ADAM12: variants seen among roughly 807,000 people sequenced by gnomAD.
ADAM12 encodes the protein ADAM metallopeptidase domain 12, also known as disintegrin and metalloproteinase domain-containing protein 12.
A neutral mutation model predicts 106.4 loss-of-function variants in ADAM12; 70 were observed. That is an observed-to-expected ratio of 0.66 (90% CI 0.54 to 0.80). The LOEUF (loss-of-function observed/expected upper bound fraction) is 0.80. ADAM12 is among the 30% of genes least tolerant of loss of function. The pLI, the probability that ADAM12 is intolerant of heterozygous loss-of-function variation, is 0.00. For synonymous variants in ADAM12, 420 were observed against 433.5 expected (o/e 0.97, Z 0.39); for missense variants, 1,010 against 1,171.9 (o/e 0.86, Z 2.02).
At chr10:126,112,148 A>G (rs2133605051) in intron 6 of ADAM12, among the ~76,000 whole-genome samples, 1 of 152,218 alleles carries the variant, frequency 6.6e-6, no homozygotes, top group Admixed American at 6.5e-5. Context: ...ATATAGGAAC[A>G]GAGAACCAAG....
intron 2 of ADAM12, among the ~76,000 whole-genome samples, chr10:126,285,324 T>C (rs1379534298): frequency 6.6e-6 from 1 of 152,214 alleles, no homozygotes; most frequent in Non-Finnish European, 1.5e-5. Flanking sequence ...GAAAATATCT[T>C]TTTAAGTTTG....
intron 1 of ADAM12, among the ~76,000 whole-genome samples, chr10:126,373,278 G>A (rs765871953): frequency 3.9e-5 from 6 of 152,212 alleles, no homozygotes; most frequent in Non-Finnish European, 8.8e-5. Flanking sequence ...GCTTCTGGGA[G>A]TGGATGTTGG....
intron 4 of ADAM12, among the ~76,000 whole-genome samples, chr10:126,152,730 A>G (rs1956750555): frequency 1.3e-5 from 2 of 152,158 alleles, no homozygotes; most frequent in South Asian, 4.1e-4. Context: ...TCATTTTTAC[A>G]AAGAGATTCC....
At chr10:126,286,463 A>G (rs913714775) in intron 2 of ADAM12, among the ~76,000 whole-genome samples, 3 of 152,174 alleles carry the variant, frequency 2.0e-5, no homozygotes, top group African/African-American at 7.2e-5. Flanking sequence ...AAGAACAACA[A>G]AATTAAAATA....
At chr10:126,363,338 A>G (rs1424239066) in intron 1 of ADAM12, among the ~76,000 whole-genome samples, 1 of 152,214 alleles carries the variant, frequency 6.6e-6, no homozygotes, top group African/African-American at 2.4e-5. Flanking sequence ...TAAAGCCCCA[A>G]TGTGACAGAT....
intron 19 of ADAM12, among the ~76,000 whole-genome samples, chr10:126,038,785 A>G (rs1232590351): frequency 6.6e-6 from 1 of 152,106 alleles, no homozygotes; most frequent in Non-Finnish European, 1.5e-5. Flanking sequence ...TAAGCAGCAC[A>G]TTGTTGTTTG....
chr10:126,281,264 CAT>C (rs140925003), intron 2 of ADAM12, among the ~76,000 whole-genome samples: 3,191 of 152,252 alleles, frequency 0.021, 105 homozygotes, highest in African/African-American at 0.07. Flanking sequence ...TGTATAACTA[CAT>C]GTTTCATATG....
intron 3 of ADAM12, among the ~76,000 whole-genome samples, chr10:126,173,786 C>T (rs1309352386): frequency 6.6e-6 from 1 of 152,032 alleles, no homozygotes; most frequent in African/African-American, 2.4e-5. Context: ...GCCCCAACTC[C>T]AGAGAATTTC....
At chr10:126,219,999 T>C (rs1958060029) in intron 3 of ADAM12, among the ~76,000 whole-genome samples, 1 of 152,122 alleles carries the variant, frequency 6.6e-6, no homozygotes, top group Non-Finnish European at 1.5e-5. Flanking sequence ...GATTTTGCAG[T>C]GGTCATAAAG....
At position 126,276,693 on chromosome 10, in the gene ADAM12, T is replaced by C. The variant is rs144224675; in HGVS notation, c.260+2222A>G. On this transcript the variant is annotated intron_variant, in intron 3 of 22. Coordinates refer to ENST00000448723, the MANE Select transcript of ADAM12 (RefSeq NM_001288973.2). ...GCATATCATAGGAACATATGAAACA[T>C]TTTCTATGTATTTTTGAAAATGCAG... Among the ~76,000 whole-genome samples, 160 of 152,292 alleles carry C rather than the reference T, an allele frequency of 1.1e-3. 2 individuals carry two copies. In the East Asian group the frequency reaches 0.03, roughly 29 times the overall value.
chr10:126,033,493 T>G (rs896848356), intron 21 of ADAM12, among the ~76,000 whole-genome samples: 6 of 152,144 alleles, frequency 3.9e-5, no homozygotes, highest in African/African-American at 1.4e-4. Flanking sequence ...GTGTGTGTGT[T>G]CTTTTATATA....
intron 9 of ADAM12, among the ~76,000 whole-genome samples, chr10:126,100,846 G>A (rs561572595): frequency 4.5e-4 from 68 of 152,230 alleles, no homozygotes; most frequent in Non-Finnish European, 7.6e-4. Context: ...TGAGAGTTCT[G>A]TAGAGGGACA....
intron 2 of ADAM12, among the ~76,000 whole-genome samples, chr10:126,287,565 A>G (rs1959928756): frequency 6.6e-6 from 1 of 152,020 alleles, no homozygotes. Flanking sequence ...GAACAAAACC[A>G]CGGCCTTCAC....
At chr10:126,314,035 A>G (rs965734912) in intron 2 of ADAM12, among the ~76,000 whole-genome samples, 4 of 151,864 alleles carry the variant, frequency 2.6e-5, no homozygotes, top group African/African-American at 9.7e-5. Context: ...GGAGGTCAGG[A>G]ACAGGCATTC....
rs549133625 is a variant in ADAM12 at position 126,309,913 on chromosome 10, C to T, written c.186+20499G>A. Among the ~76,000 whole-genome samples, 185 of 152,170 alleles carry T rather than the reference C, an allele frequency of 1.2e-3. 1 individual carries two copies. Among genetic ancestry groups the T allele is most frequent in the Non-Finnish European group, 1.1e-3 (75 of 68,008 alleles). ...GTGGCTCACGCAGGTAATCCCAGCA[C>T]TTTGGGAGGCTGAGGTGGGCAGATC... On this transcript the variant is annotated intron_variant, in intron 2 of 22. Transcript: ENST00000448723.
intron 2 of ADAM12, 80 bp from the exon 3 acceptor site, chr10:126,279,068 G>T: frequency 9.7e-7 from 1 of 1,028,136 alleles, no homozygotes; most frequent in Non-Finnish European, 1.5e-6. Context: ...CACAGGCGTA[G>T]TCAAATGAGG....
chr10:126,202,157 C>T (rs1158812518), intron 3 of ADAM12, among the ~76,000 whole-genome samples: 3 of 152,118 alleles, frequency 2.0e-5, no homozygotes, highest in African/African-American at 7.2e-5. Context: ...GGAGATCCAC[C>T]CCATGTGGGG....
At chr10:126,194,827 C>T (rs2930122) in intron 3 of ADAM12, among the ~76,000 whole-genome samples, 18,244 of 152,148 alleles carry the variant, frequency 0.12, 2,319 homozygotes, top group African/African-American at 0.32. Context: ...TGTTGACATA[C>T]GTATGTAACA....
At chr10:126,088,806 G>T (rs1303995321) in intron 11 of ADAM12, among the ~76,000 whole-genome samples, 1 of 151,966 alleles carries the variant, frequency 6.6e-6, no homozygotes. Context: ...GTCCAGGCAG[G>T]TGTGCCATGA....
Sources: gnomAD v4.1 joint callset for allele counts (sites outside exome capture counted in the v4.1 genomes callset) on GRCh38, gnomAD v4.1.1 for gene constraint, MANE v1.5 for transcripts, NCBI Gene and HGNC (gene_info 2026-07-23, HGNC 2026-07-21) for gene names.